RBM25: variants seen among roughly 807,000 people sequenced by gnomAD.
The protein encoded by RBM25 is RNA binding motif protein 25.
RBM25 carries 19 observed loss-of-function variants against 120.7 expected under a neutral mutation model. That is an observed-to-expected ratio of 0.16 (90% CI 0.11 to 0.23). RBM25 has a LOEUF of 0.23. Ranked by LOEUF, RBM25 falls within the 10% of genes least tolerant of loss-of-function variation. The pLI is 1.00. For missense variants in RBM25, 605 were observed against 1,041.5 expected (o/e 0.58, Z 5.77); for synonymous variants, 390 against 326.7 (o/e 1.19, Z -2.09).
At chr14:73,100,033 G>T (rs1896027187) in intron 9 of RBM25, 1 of 472,704 alleles carries the variant, frequency 2.1e-6, no homozygotes, top group Non-Finnish European at 3.6e-6. Flanking sequence ...AAACATCAAG[G>T]TCAGACTTAA....
chr14:73,117,678 G>A (rs939939271), intron 18 of RBM25, among the ~76,000 whole-genome samples: 2 of 152,170 alleles, frequency 1.3e-5, no homozygotes, highest in African/African-American at 4.8e-5. Context: ...GGGAACTGAG[G>A]CTCAGGTTAA....
chr14:73,121,975 T>C lies in RBM25; in HGVS notation c.*2170T>C, dbSNP rs374959999. On this transcript the variant is annotated 3_prime_UTR_variant, in exon 19 of 19. Coordinates refer to ENST00000261973, the MANE Select transcript of RBM25 (RefSeq NM_021239.3). ...TTACAGTAAATGTGGTAGAAACTGT[T>C]AATCGCTTAATGCCAGTTTAAATCA... is the stretch of plus-strand genomic sequence containing the variant. 3 of 152,220 alleles carry C rather than the reference T, an allele frequency of 2.0e-5. No individual in the cohort carries two copies. The highest frequency in any genetic ancestry group is 7.2e-5 in the African/African-American group (3 of 41,454). 9.4% of individuals were successfully genotyped at this position (152,220 alleles called of 1,614,324 possible).
chr14:73,059,161 C>G (rs1894938989), intron 1 of RBM25: 1 of 152,214 alleles, frequency 6.6e-6, no homozygotes, highest in South Asian at 2.1e-4. Flanking sequence ...CTCTACCCAC[C>G]CTTTTTAGCG....
intron 9 of RBM25, chr14:73,100,435 C>T: frequency 1.8e-6 from 1 of 567,134 alleles, no homozygotes. Flanking sequence ...GGGTAACTGG[C>T]TTGGAAATGG....
intron 1 of RBM25, among the ~76,000 whole-genome samples, chr14:73,062,044 A>C (rs1895016965): frequency 6.6e-6 from 1 of 151,344 alleles, no homozygotes; most frequent in Non-Finnish European, 1.5e-5. Flanking sequence ...TGGACTTAGC[A>C]TGAACACCTG....
chr14:73,085,239 G>A (rs1895656967), intron 5 of RBM25, among the ~76,000 whole-genome samples: 2 of 151,896 alleles, frequency 1.3e-5, no homozygotes, highest in African/African-American at 2.4e-5. Flanking sequence ...GGAGGGTCTC[G>A]ATCTCCTGAT....
At chr14:73,119,368 T>C (rs214287) in intron 18 of RBM25, among the ~76,000 whole-genome samples, 114,226 of 152,086 alleles carry the variant, frequency 0.75, 44,272 homozygotes, top group African/African-American at 0.93. Flanking sequence ...TGGGTTCACG[T>C]CATTCTCCTG....
intron 13 of RBM25, among the ~76,000 whole-genome samples, chr14:73,108,469 C>A (rs1364049021): frequency 6.6e-6 from 1 of 152,214 alleles, no homozygotes; most frequent in Non-Finnish European, 1.5e-5. Context: ...CAAATTGATA[C>A]ATTATTGTGA....
chr14:73,097,025 C>T lies in RBM25; in HGVS notation c.654C>T (p.Tyr218=). The change falls in exon 7 of 19, where the codon TAC becomes TAT. Residue 218 remains tyrosine, a synonymous_variant. Coordinates refer to ENST00000261973, the MANE Select transcript of RBM25 (RefSeq NM_021239.3). The part of the protein sequence containing the change: ...KGAIEVLIRE[Y]SSELNAPSQE... Reference sequence around the variant, plus strand: ...CTATTGAAGTTTTAATTCGTGAATACTCCAGTGAGCTAAATGCCCCCTCAC... The same window carrying T: ...CTATTGAAGTTTTAATTCGTGAATATTCCAGTGAGCTAAATGCCCCCTCAC... The T allele has an allele frequency of 6.2e-7, 1 of 1,613,800 alleles. No individual in the cohort carries two copies. The highest frequency in any genetic ancestry group is 1.1e-5 in the South Asian group (1 of 91,034).
chr14:73,103,143 A>G (rs748687336), intron 9 of RBM25, 49 bp from the exon 10 acceptor site: 16 of 1,569,820 alleles, frequency 1.0e-5, no homozygotes, highest in Non-Finnish European at 1.3e-5. Flanking sequence ...AAAAATCTGA[A>G]TACTGGAGCT....
chr14:73,083,615 T>C, intron 5 of RBM25, 64 bp downstream of exon 5: 1 of 1,174,010 alleles, frequency 8.5e-7, no homozygotes, highest in Non-Finnish European at 1.2e-6. Context: ...TAAATCACTT[T>C]GCATGACTTA....
chr14:73,111,164 G>A lies in RBM25; in HGVS notation c.2017+9G>A, dbSNP rs200568715. On this transcript the variant is annotated intron_variant, in intron 15 of 18. Transcript: ENST00000261973. Reference sequence around the variant, plus strand: ...ACTAAGTCTTAAACTGGGTACGTTAGCATTTCCTTCCTTCTTTATTTTCTT... The same window carrying A: ...ACTAAGTCTTAAACTGGGTACGTTAACATTTCCTTCCTTCTTTATTTTCTT... 9 of 1,580,482 alleles carry A rather than the reference G, an allele frequency of 5.7e-6. No homozygotes were observed. Among genetic ancestry groups the A allele is most frequent in the Non-Finnish European group, 7.8e-6 (9 of 1,152,030 alleles).
chr14:73,111,030 G>A lies in RBM25; in HGVS notation c.1892G>A (p.Gly631Asp), dbSNP rs754166089. The A allele has an allele frequency of 6.2e-6, 10 of 1,614,124 alleles. No individual in the cohort carries two copies. The South Asian group carries it at 8.8e-5, about 14-fold the overall frequency. The change falls in exon 15 of 19, where the codon GGC (glycine) becomes GAC (aspartate). Residue 631 changes from glycine to aspartate, a missense_variant. Physicochemically the swap from Gly to Asp is moderately conservative, Grantham distance 94. Transcript: ENST00000261973. ...GCTCCATCTGTTTCCTCTGCCAGTG[G>A]CAATGCAACACCTAACACTCCTGGG... Reference protein sequence around the residue: ...SSAPSVSSASGNATPNTPGDE... With the variant: ...SSAPSVSSASDNATPNTPGDE...
At chr14:73,098,149 A>G (rs938350159) in intron 7 of RBM25, among the ~76,000 whole-genome samples, 3 of 152,188 alleles carry the variant, frequency 2.0e-5, no homozygotes, top group African/African-American at 7.2e-5. Context: ...TATGTTTTTG[A>G]GACAGTATCT....
At chr14:73,080,600 A>C (rs559515073) in intron 4 of RBM25, among the ~76,000 whole-genome samples, 34 of 152,220 alleles carry the variant, frequency 2.2e-4, no homozygotes, top group African/African-American at 7.7e-4. Context: ...TTCCTATTTC[A>C]ATATGCCTTT....
chr14:73,095,970 C>G lies in RBM25; in HGVS notation c.544-945C>G, dbSNP rs566670745. On this transcript the variant is annotated intron_variant, in intron 6 of 18. Coordinates refer to ENST00000261973, the MANE Select transcript of RBM25 (RefSeq NM_021239.3). Reference sequence around the variant, plus strand: ...CACATAGAGGGAATAATCTAGACTTCTTAGAAAATAATAATTATTATTATT... The same window carrying G: ...CACATAGAGGGAATAATCTAGACTTGTTAGAAAATAATAATTATTATTATT... Among the ~76,000 whole-genome samples the G allele has an allele frequency of 1.1e-4, 17 of 152,216 alleles. No individual in the cohort carries two copies. In the South Asian group the frequency reaches 3.5e-3, roughly 32 times the overall value.
rs1348822810 is a variant in RBM25, at chr14:73,103,980, ACACACACACACACACTCT to A, written c.1154+504_1154+521del. Among the ~76,000 whole-genome samples, 8 of 136,656 alleles carry A rather than the reference ACACACACACACACACTCT, an allele frequency of 5.9e-5. 2 individuals carry two copies. The highest frequency in any genetic ancestry group is 4.3e-4 in the East Asian group (2 of 4,640). 89.7% of individuals were successfully genotyped at this position (136,656 alleles called of 152,430 possible). A position where few individuals can be genotyped will look rare whatever the true frequency, so the allele number is the denominator to read the frequency against. The stretch of plus-strand genomic sequence containing the variant: ...CACACACACACACACACACACACAC[ACACACACACACACACTCT>A]CTCTCTCTCTCTCTCTCTCACTATG... On this transcript the variant is annotated intron_variant, in intron 10 of 18. Transcript: ENST00000261973.
intron 14 of RBM25, among the ~76,000 whole-genome samples, chr14:73,110,301 C>T (rs1198561915): frequency 6.6e-6 from 1 of 151,984 alleles, no homozygotes; most frequent in African/African-American, 2.4e-5. Flanking sequence ...AGGCCTCTAC[C>T]TCGTGAGTAT....
At position 73,110,917 on chromosome 14, in the gene RBM25, A is replaced by G. The variant is rs1324395163; in HGVS notation, c.1779A>G (p.Lys593=). The G allele has an allele frequency of 5.6e-6, 9 of 1,612,170 alleles. No individual in the cohort carries two copies. Among genetic ancestry groups the G allele is most frequent in the Non-Finnish European group, 7.6e-6 (9 of 1,178,982 alleles). The part of the protein sequence containing the change: ...SEEEEEEKQE[K]EEKREEPMEE... ...AGGAGGAAGAAGAAAAGCAAGAAAA[A>G]GAAGAAAAACGAGAAGAACCCATGG... Residue 593 remains lysine (K), a synonymous_variant, in exon 15 of 19, where the codon AAA becomes AAG. Coordinates refer to ENST00000261973, the MANE Select transcript of RBM25 (RefSeq NM_021239.3).
Sources: gnomAD v4.1 joint callset for allele counts (sites outside exome capture counted in the v4.1 genomes callset) on GRCh38, gnomAD v4.1.1 for gene constraint, MANE v1.5 for transcripts, NCBI Gene and HGNC (gene_info 2026-07-23, HGNC 2026-07-21) for gene names.